Variants in TIPIN observed in about 807,000 individuals in gnomAD.
TIPIN encodes the protein TIMELESS-interacting protein.
A neutral mutation model predicts 35.6 loss-of-function variants in TIPIN; 29 were observed. The ratio of observed to expected loss-of-function variants is 0.82; its 90% CI spans 0.61 to 1.11. The LOEUF is 1.11. Among genes scored for constraint, TIPIN ranks in the 50% most tolerant of loss-of-function variants. The pLI is 0.00. For synonymous variants in TIPIN, 102 were observed against 121.5 expected, an observed-to-expected ratio of 0.84 and a Z score of 1.06; for missense variants, 296 against 345.4, an observed-to-expected ratio of 0.86 and a Z score of 1.13.
At chr15:66,341,395 C>G (rs369777316) in intron 6 of TIPIN, 39 bp from the exon 7 acceptor site, 42 of 1,554,952 alleles carry the variant, frequency 2.7e-5, no homozygotes, top group African/African-American at 4.1e-5. Context: ...TGGTGTTAGA[C>G]TAGTTAGAGA....
At chr15:66,374,565 T>A (rs190028144) in intron 1 of TIPIN, among the ~76,000 whole-genome samples, 1 of 151,672 alleles carries the variant, frequency 6.6e-6, no homozygotes, top group South Asian at 2.1e-4. Context: ...CTCGGCTAAT[T>A]TTTTTTGTTT....
At chr15:66,362,958 C>T (rs745544169) in intron 1 of TIPIN, among the ~76,000 whole-genome samples, 1 of 152,172 alleles carries the variant, frequency 6.6e-6, no homozygotes, top group Non-Finnish European at 1.5e-5. Context: ...CACCTGTACA[C>T]CACATGCCCA....
chr15:66,352,152 ATTTCT>A lies in TIPIN; in HGVS notation c.184_188del (p.Arg62TyrfsTer23). On this transcript the variant is annotated frameshift_variant, in exon 3 of 8. Transcript: ENST00000261881. LOFTEE classifies it high-confidence loss of function. ...ACCTCTGAGCATCCAGCTTGGGTAT[ATTTCT>A]TTTAACTGTTCTCTTTGGAGGTACA... 1 of 1,609,566 alleles carries A rather than the reference ATTTCT, an allele frequency of 6.2e-7. No homozygotes were observed. Among genetic ancestry groups the A allele is most frequent in the East Asian group, 2.2e-5 (1 of 44,748 alleles).
intron 1 of TIPIN, among the ~76,000 whole-genome samples, chr15:66,362,385 T>C (rs145868409): frequency 4.0e-5 from 6 of 151,594 alleles, no homozygotes; most frequent in African/African-American, 1.5e-4. Context: ...GGGAACCCAG[T>C]CCACCACAAA....
intron 1 of TIPIN, chr15:66,379,800 T>C (rs1305018301): frequency 5.6e-6 from 9 of 1,600,422 alleles, no homozygotes; most frequent in African/African-American, 1.3e-5. Flanking sequence ...ATTGATGTGA[T>C]TGAAGTCCCT....
chr15:66,357,654 A>G (rs1381380033), upstream of TIPIN, among the ~76,000 whole-genome samples: 5 of 150,314 alleles, frequency 3.3e-5, no homozygotes, highest in Admixed American at 3.3e-4. Context: ...ACAAAAAAAA[A>G]TGTCAAAAAT....
intron 1 of TIPIN, among the ~76,000 whole-genome samples, chr15:66,382,148 G>C (rs2093321028): frequency 6.6e-6 from 1 of 152,130 alleles, no homozygotes; most frequent in Admixed American, 6.6e-5. Context: ...CTGTATGTTA[G>C]GCACTATTCT....
At chr15:66,344,299 T>C (rs182837949) in intron 6 of TIPIN, among the ~76,000 whole-genome samples, 3 of 152,126 alleles carry the variant, frequency 2.0e-5, no homozygotes, top group African/African-American at 7.2e-5. Flanking sequence ...GAACTAATTT[T>C]GACTGGACAA....
intron 1 of TIPIN, chr15:66,371,058 A>G (rs1028335445): frequency 4.7e-6 from 1 of 211,762 alleles, no homozygotes; most frequent in Admixed American, 6.5e-5. Flanking sequence ...TAAAAATACA[A>G]AAATTAGCCA....
intron 1 of TIPIN, among the ~76,000 whole-genome samples, chr15:66,378,953 TCTCA>T (rs1054915771): frequency 1.1e-4 from 17 of 152,128 alleles, no homozygotes; most frequent in African/African-American, 4.1e-4. Context: ...GAAATGGGGG[TCTCA>T]CTATGTTGAC....
Position 66,352,156 on chromosome 15 carries a change from C to G in TIPIN, c.185G>C (p.Arg62Thr). The change falls in exon 3 of 8, where the codon AGA becomes ACA. Residue 62 changes from arginine (R) to threonine (T), a missense_variant. Physicochemically the swap from Arg to Thr is moderately conservative, Grantham distance 71. Coordinates refer to ENST00000261881, the MANE Select transcript of TIPIN (RefSeq NM_017858.3). ...CTGAGCATCCAGCTTGGGTATATTT[C>G]TTTTAACTGTTCTCTTTGGAGGTAC... ...VRVPPKRTVK[R>T]NIPKLDAQRL... 6.2e-7 allele frequency: 1 copy of G among 1,609,960 alleles called. No individual in the cohort carries two copies. Among genetic ancestry groups the G allele is most frequent in the Non-Finnish European group, 8.5e-7 (1 of 1,178,192 alleles).
At chr15:66,352,034 C>A (rs1432122135) in intron 3 of TIPIN, 95 bp downstream of exon 3, 3 of 1,029,408 alleles carry the variant, frequency 2.9e-6, no homozygotes, top group Non-Finnish European at 4.2e-6. Context: ...TATAAGAGCT[C>A]CACATCATAC....
At chr15:66,352,495 C>G (rs1177800434) in intron 2 of TIPIN, among the ~76,000 whole-genome samples, 1 of 152,100 alleles carries the variant, frequency 6.6e-6, no homozygotes, top group Non-Finnish European at 1.5e-5. Flanking sequence ...GTTGAGGTCT[C>G]GCCAGGCTGG....
At chr15:66,353,476 C>A (rs573594274) in intron 1 of TIPIN, among the ~76,000 whole-genome samples, 1 of 151,802 alleles carries the variant, frequency 6.6e-6, no homozygotes, top group South Asian at 2.1e-4. Context: ...ATTATCCAGG[C>A]GTGGTGGCGG....
At chr15:66,382,171 T>C (rs568950639) in intron 1 of TIPIN, 59 of 178,242 alleles carry the variant, frequency 3.3e-4, no homozygotes, top group African/African-American at 1.2e-3. Context: ...CAAAGTTTCA[T>C]TTAATGCTCA....
At chr15:66,363,024 G>C in intron 1 of TIPIN, among the ~76,000 whole-genome samples, 1 of 152,200 alleles carries the variant, frequency 6.6e-6, no homozygotes, top group East Asian at 1.9e-4. Flanking sequence ...TAACAATTCA[G>C]TTGGGCAGGC....
intron 1 of TIPIN, among the ~76,000 whole-genome samples, chr15:66,378,667 T>A (rs989062925): frequency 2.4e-4 from 37 of 152,120 alleles, no homozygotes; most frequent in African/African-American, 4.1e-4. Context: ...AAAAAAAAAA[T>A]TTCCCATGAT....
intron 1 of TIPIN, among the ~76,000 whole-genome samples, chr15:66,355,158 C>T (rs2093195247): frequency 6.6e-6 from 1 of 151,338 alleles, no homozygotes; most frequent in African/African-American, 2.4e-5. Context: ...CTCAGCCTCC[C>T]GAATAGCTGG....
At chr15:66,348,101 T>C (rs2140455488) in intron 6 of TIPIN, among the ~76,000 whole-genome samples, 1 of 150,498 alleles carries the variant, frequency 6.6e-6, no homozygotes, top group East Asian at 2.0e-4. Flanking sequence ...CTTGAACTCC[T>C]GGGCTCAAGT....
Sources: gnomAD v4.1 joint callset for allele counts (sites outside exome capture counted in the v4.1 genomes callset) on GRCh38, gnomAD v4.1.1 for gene constraint, MANE v1.5 for transcripts, NCBI Gene and HGNC (gene_info 2026-07-23, HGNC 2026-07-21) for gene names.